Variants in PAXIP1 observed in about 807,000 individuals in gnomAD.
PAXIP1 encodes PAX interacting protein 1, also known as PAX-interacting protein 1.
A neutral mutation model predicts 140.6 loss-of-function variants in PAXIP1; 19 were observed. The ratio of observed to expected loss-of-function variants is 0.14; its 90% CI spans 0.09 to 0.20. The LOEUF (loss-of-function observed/expected upper bound fraction) is 0.20. Ranked by LOEUF, PAXIP1 falls within the 10% of genes least tolerant of loss-of-function variation. PAXIP1 has a pLI of 1.00. For synonymous variants in PAXIP1, 442 were observed against 444.6 expected (o/e 0.99, Z 0.07); for missense variants, 920 against 1,208.6 (o/e 0.76, Z 3.54).
At chr7:154,999,431 A>C (rs1454918069) in intron 1 of PAXIP1, among the ~76,000 whole-genome samples, 3 of 152,208 alleles carry the variant, frequency 2.0e-5, no homozygotes, top group Non-Finnish European at 4.4e-5. Context: ...ATGTGAAAAG[A>C]AAGGATTGGG....
At chr7:154,978,823 C>T (rs944231026) in intron 5 of PAXIP1, among the ~76,000 whole-genome samples, 2 of 152,108 alleles carry the variant, frequency 1.3e-5, no homozygotes, top group Non-Finnish European at 2.9e-5. Flanking sequence ...AAAACTACTG[C>T]CATGAAGAGG....
At chr7:154,967,162 G>A (rs537646788) in intron 8 of PAXIP1, among the ~76,000 whole-genome samples, 19 of 152,230 alleles carry the variant, frequency 1.2e-4, no homozygotes, top group South Asian at 1.2e-3. Context: ...CGTTTTCTCC[G>A]TCTCTGTGAT....
rs1231781721 is a variant in PAXIP1, at chr7:154,956,075, A to C, written c.2550-444T>G. ...TGCACGTTCACCATCAATACAAGTC[A>C]GCCAAGACGAGTGTCGCTAGAGCTT... On this transcript the variant is annotated intron_variant, in intron 14 of 20. Transcript: ENST00000404141. The surrounding 1 kb of genome is among the most constrained non-coding windows in gnomAD (Gnocchi z 4.2). 6.6e-6 allele frequency among the ~76,000 whole-genome samples: 1 copy of C among 152,258 alleles called. No individual in the cohort carries two copies. Among genetic ancestry groups the C allele is most frequent in the East Asian group, 1.9e-4 (1 of 5,202 alleles).
chr7:154,963,564 G>A lies in PAXIP1; in HGVS notation c.1989+107C>T. On this transcript the variant is annotated intron_variant, in intron 9 of 20. Transcript: ENST00000404141. The surrounding 1 kb of genome is among the most constrained non-coding windows in gnomAD (Gnocchi z 4.1). Reference sequence around the variant, plus strand: ...GGAAGAAGGAATTTTCCTATCTTTAGAGGTAGAAAAAAGTTCTTTCCAAAA... The same window carrying A: ...GGAAGAAGGAATTTTCCTATCTTTAAAGGTAGAAAAAAGTTCTTTCCAAAA... 8 of 710,496 alleles carry A rather than the reference G, an allele frequency of 1.1e-5. No individual in the cohort carries two copies. In the South Asian group the frequency reaches 1.2e-4, roughly 11 times the overall value. The allele number at this position is 710,496 out of a possible 1,614,324, so 44.0% of individuals were successfully genotyped here.
Position 154,944,128 on chromosome 7 carries a change from T to A in PAXIP1, c.*21A>T. 1 of 1,612,422 alleles carries A rather than the reference T, an allele frequency of 6.2e-7. No individual in the cohort carries two copies. Among genetic ancestry groups the A allele is most frequent in the Non-Finnish European group, 8.5e-7 (1 of 1,179,166 alleles). ...CAGCCCCGCACCGCAGGAGTCGACA[T>A]GCACGGCAGCCTAGACGCCATCAGT... On this transcript the variant is annotated 3_prime_UTR_variant, in exon 21 of 21. Coordinates refer to ENST00000404141, the MANE Select transcript of PAXIP1 (RefSeq NM_007349.4).
intron 1 of PAXIP1, chr7:155,001,451 G>C (rs1810884412): frequency 6.6e-6 from 1 of 151,326 alleles, no homozygotes. Flanking sequence ...CATCTTCATC[G>C]CTCCGTGTTC....
In PAXIP1 at chr7:154,961,603, T is replaced by G. The variant is rs1199105200; in HGVS notation, c.2173A>C (p.Lys725Gln). 1 of 1,604,710 alleles carries G rather than the reference T, an allele frequency of 6.2e-7. No homozygotes were observed. Among genetic ancestry groups the G allele is most frequent in the Non-Finnish European group, 8.5e-7 (1 of 1,174,624 alleles). ...GCACCTGCCAAATAAGCCATTAATT[T>G]TAGGTCATCTCTGTCACTATCAACA... ...GFVDSDRDDL[K>Q]LMAYLAGAKY... Residue 725 changes from lysine (K) to glutamine (Q), a missense_variant, in exon 11 of 21, where the codon AAA (lysine) becomes CAA (glutamine). Lys to Gln is a moderately conservative substitution (Grantham distance 53). Transcript: ENST00000404141.
chr7:154,990,120 C>A (rs920969403), intron 4 of PAXIP1, among the ~76,000 whole-genome samples: 16 of 149,806 alleles, frequency 1.1e-4, no homozygotes, highest in South Asian at 4.2e-4. Flanking sequence ...CAGCTCACCA[C>A]AACCTCCGCC....
intron 6 of PAXIP1, among the ~76,000 whole-genome samples, chr7:154,971,281 G>A (rs933753381): frequency 6.6e-6 from 1 of 152,168 alleles, no homozygotes; most frequent in Admixed American, 6.6e-5. Flanking sequence ...CTGCTGACAG[G>A]AGGCAACTTA....
rs1807800842 is a variant in PAXIP1, at chr7:154,943,815, T to C, written c.*334A>G. On this transcript the variant is annotated 3_prime_UTR_variant, in exon 21 of 21. Coordinates refer to ENST00000404141, the MANE Select transcript of PAXIP1 (RefSeq NM_007349.4). ...ATCTTTAACATCCATAATTTAGAGA[T>C]AGCAAGGTCTTTATTTACACCATTT... 7.6e-6 allele frequency: 2 copies of C among 261,724 alleles called. No homozygotes were observed. Among genetic ancestry groups the C allele is most frequent in the Non-Finnish European group, 1.5e-5 (2 of 134,498 alleles). The allele number at this position is 261,724 out of a possible 1,614,324, so 16.2% of individuals were successfully genotyped here. A position where few individuals can be genotyped will look rare whatever the true frequency, so the allele number is the denominator to read the frequency against.
chr7:154,968,390 C>T lies in PAXIP1; in HGVS notation c.1798+13G>A, dbSNP rs1408541771. 4.6e-6 allele frequency: 7 copies of T among 1,523,364 alleles called. No individual in the cohort carries two copies. The highest frequency in any genetic ancestry group is 1.4e-5 in the African/African-American group (1 of 72,344). The allele number at this position is 1,523,364 out of a possible 1,614,324, so 94.4% of individuals were successfully genotyped here. A position where few individuals can be genotyped will look rare whatever the true frequency, so the allele number is the denominator to read the frequency against. ...ACTTTTAGGAGAGAGGAAAAATAAT[C>T]TCCATTACTAACTCTCCACTGCTGG... On this transcript the variant is annotated intron_variant, in intron 7 of 20. Coordinates refer to ENST00000404141, the MANE Select transcript of PAXIP1 (RefSeq NM_007349.4).
intron 10 of PAXIP1, 84 bp from the exon 11 acceptor site, chr7:154,961,732 T>C (rs1563367731): frequency 8.6e-7 from 1 of 1,166,596 alleles, no homozygotes; most frequent in Non-Finnish European, 1.2e-6. Flanking sequence ...TCTTAGTTGA[T>C]ACATATTTTT....
At chr7:154,999,896 GATACT>G (rs909608502) in intron 1 of PAXIP1, among the ~76,000 whole-genome samples, 1 of 152,192 alleles carries the variant, frequency 6.6e-6, no homozygotes, top group Non-Finnish European at 1.5e-5. Context: ...CACAGCAACT[GATACT>G]TCAGGGACAG....
At chr7:154,989,939 T>C (rs1054449102) in intron 4 of PAXIP1, among the ~76,000 whole-genome samples, 1 of 152,202 alleles carries the variant, frequency 6.6e-6, no homozygotes, top group Non-Finnish European at 1.5e-5. Flanking sequence ...GATGATCCGA[T>C]TGTTTCCAAT....
intron 4 of PAXIP1, among the ~76,000 whole-genome samples, chr7:154,989,924 T>G (rs1045172639): frequency 2.0e-5 from 3 of 152,184 alleles, no homozygotes; most frequent in African/African-American, 7.2e-5. Flanking sequence ...CATTCCCAAA[T>G]AGTGGATGAT....
Position 154,946,900 on chromosome 7 carries a change from T to A in PAXIP1, c.2923-87A>T. 3 of 1,081,826 alleles carry A rather than the reference T, an allele frequency of 2.8e-6. No homozygotes were observed. Among genetic ancestry groups the A allele is most frequent in the Non-Finnish European group, 3.9e-6 (3 of 763,542 alleles). The allele number at this position is 1,081,826 out of a possible 1,614,324, so 67.0% of individuals were successfully genotyped here. On this transcript the variant is annotated intron_variant, in intron 17 of 20. Coordinates refer to ENST00000404141, the MANE Select transcript of PAXIP1 (RefSeq NM_007349.4). This position sits in a 1 kb window ranked among gnomAD's most constrained non-coding sequence, Gnocchi z 4.9. ...AATTCTCATAGATTCTGCCCTGAGA[T>A]TTTTGACAAAATTTCAAATTTTATG...
intron 1 of PAXIP1, 64 bp downstream of exon 1, chr7:155,002,785 C>A: frequency 2.2e-6 from 2 of 929,588 alleles, no homozygotes; most frequent in Non-Finnish European, 2.9e-6. Flanking sequence ...GGGACGGGGA[C>A]GGGGACGGGG....
intron 5 of PAXIP1, 49 bp downstream of exon 5, chr7:154,983,168 TAG>T: frequency 2.3e-6 from 2 of 873,132 alleles, no homozygotes; most frequent in East Asian, 5.2e-5. Context: ...ATGTGATTAC[TAG>T]AAATTCTTAA....
intron 5 of PAXIP1, among the ~76,000 whole-genome samples, chr7:154,980,601 A>G (rs2150771393): frequency 6.6e-6 from 1 of 151,548 alleles, no homozygotes; most frequent in East Asian, 1.9e-4. Flanking sequence ...TTTTGTAAAG[A>G]TGGGGTCTCA....
Sources: gnomAD v4.1 joint callset for allele counts (sites outside exome capture counted in the v4.1 genomes callset) on GRCh38, gnomAD v4.1.1 for gene constraint, Gnocchi (gnomAD v3.1) non-coding constraint, MANE v1.5 for transcripts, NCBI Gene and HGNC (gene_info 2026-07-23, HGNC 2026-07-21) for gene names.